TIFAB: variants seen among roughly 807,000 people sequenced by gnomAD.
TIFAB encodes TIFA inhibitor.
For synonymous variants in TIFAB, 116 were observed against 95.2 expected (o/e 1.22, Z -1.27); for missense variants, 222 against 203.6 (o/e 1.09, Z -0.55).
Position 135,447,067 on chromosome 5 carries a change from G to A in TIFAB, c.*2387C>T. The A allele has an allele frequency of 6.2e-7, 1 of 1,614,026 alleles. No individual in the cohort carries two copies. Among genetic ancestry groups the A allele is most frequent in the Non-Finnish European group, 8.5e-7 (1 of 1,179,882 alleles). On this transcript the variant is annotated 3_prime_UTR_variant, in exon 2 of 2. Coordinates refer to ENST00000537858, the MANE Select transcript of TIFAB (RefSeq NM_001099221.2). The stretch of plus-strand genomic sequence containing the variant: ...GTCCAGGTACAGTCTCCAGGCCGTG[G>A]CTTCTCGAGTTCTGTATGTGGGTTG...
Position 135,446,933 on chromosome 5 carries a change from G to T in TIFAB, c.*2521C>A, listed in dbSNP as rs750912756. 3 of 1,612,690 alleles carry T rather than the reference G, an allele frequency of 1.9e-6. No individual in the cohort carries two copies. The highest frequency in any genetic ancestry group is 1.7e-6 in the Non-Finnish European group (2 of 1,179,286). ...GAGACCCTCACTGAGGCCCTGGAGA[G>T]GGGCACTCAGGGGCAGCAGCTCATT... is the stretch of plus-strand genomic sequence containing the variant. On this transcript the variant is annotated 3_prime_UTR_variant, in exon 2 of 2. Coordinates refer to ENST00000537858, the MANE Select transcript of TIFAB (RefSeq NM_001099221.2).
Position 135,449,240 on chromosome 5 carries a change from T to C in TIFAB, c.*214A>G. ...GGTTCATTATGAGCAAGGCAGCCAG[T>C]GGGTTTTGCTTGTCAACCTTGCATG... On this transcript the variant is annotated 3_prime_UTR_variant, in exon 2 of 2. Coordinates refer to ENST00000537858, the MANE Select transcript of TIFAB (RefSeq NM_001099221.2). The C allele has an allele frequency of 1.4e-6, 1 of 711,066 alleles. No individual in the cohort carries two copies. Among genetic ancestry groups the C allele is most frequent in the Non-Finnish European group, 2.3e-6 (1 of 444,098 alleles). 44.0% of individuals were successfully genotyped at this position (711,066 alleles called of 1,614,324 possible).
chr5:135,449,769 G>A lies in TIFAB; in HGVS notation c.171C>T (p.His57=), dbSNP rs1346179672. The A allele has an allele frequency of 1.9e-6, 3 of 1,613,052 alleles. No individual in the cohort carries two copies. The highest frequency in any genetic ancestry group is 1.1e-5 in the South Asian group (1 of 91,064). Residue 57 remains histidine (H), a synonymous_variant, in exon 2 of 2, where the codon CAC becomes CAT. Transcript: ENST00000537858. ...QLQLPRLSRR[H]LSLEPYLEKG... ...TCTCCAGGTAGGGCTCCAGGGACAG[G>A]TGACGGCGGGAGAGGCGAGGGAGCT... is the stretch of plus-strand genomic sequence containing the variant.
chr5:135,446,904 G>T lies in TIFAB; in HGVS notation c.*2550C>A, dbSNP rs764855688. 2.5e-6 allele frequency: 4 copies of T among 1,613,406 alleles called. No homozygotes were observed. The highest frequency in any genetic ancestry group is 4.5e-5 in the East Asian group (2 of 44,870). Reference sequence around the variant, plus strand: ...GGCAAGGTTTTGTTCCTCCCTGGAGGGTAGAGACCCTCACTGAGGCCCTGG... The same window carrying T: ...GGCAAGGTTTTGTTCCTCCCTGGAGTGTAGAGACCCTCACTGAGGCCCTGG... On this transcript the variant is annotated 3_prime_UTR_variant, in exon 2 of 2. Coordinates refer to ENST00000537858, the MANE Select transcript of TIFAB (RefSeq NM_001099221.2).
chr5:135,446,906 T>C lies in TIFAB; in HGVS notation c.*2548A>G, dbSNP rs149382960. The C allele has an allele frequency of 6.2e-7, 1 of 1,613,220 alleles. No individual in the cohort carries two copies. Among genetic ancestry groups the C allele is most frequent in the Non-Finnish European group, 8.5e-7 (1 of 1,179,592 alleles). On this transcript the variant is annotated 3_prime_UTR_variant, in exon 2 of 2. Coordinates refer to ENST00000537858, the MANE Select transcript of TIFAB (RefSeq NM_001099221.2). ...CAAGGTTTTGTTCCTCCCTGGAGGG[T>C]AGAGACCCTCACTGAGGCCCTGGAG...
At position 135,445,855 on chromosome 5, in the gene TIFAB, C is replaced by T. The variant is rs1032737970; in HGVS notation, c.*3599G>A. The T allele has an allele frequency of 2.6e-5, 4 of 153,184 alleles. No homozygotes were observed. The highest frequency in any genetic ancestry group is 2.1e-4 in the South Asian group (1 of 4,856). The allele number at this position is 153,184 out of a possible 1,614,324, so 9.5% of individuals were successfully genotyped here. On this transcript the variant is annotated 3_prime_UTR_variant, in exon 2 of 2. Transcript: ENST00000537858. ...CTCTCACGGACAGCTTGGCAAGATT[C>T]ACATTCTTGGAAAAGCAGAGGAATG...
rs1349963299 is a variant in TIFAB at position 135,447,007 on chromosome 5, G to A, written c.*2447C>T. 8 of 1,613,544 alleles carry A rather than the reference G, an allele frequency of 5.0e-6. No individual in the cohort carries two copies. The highest frequency in any genetic ancestry group is 6.8e-6 in the Non-Finnish European group (8 of 1,179,760). On this transcript the variant is annotated 3_prime_UTR_variant, in exon 2 of 2. Transcript: ENST00000537858. ...GGGAGTGGCACCCTGGGAACTCTGGGGTTTCCCCACCAGCTCCTCTCTCCA... is the reference window on the plus strand; with the variant it reads ...GGGAGTGGCACCCTGGGAACTCTGGAGTTTCCCCACCAGCTCCTCTCTCCA...
At position 135,449,873 on chromosome 5, in the gene TIFAB, CA is replaced by C; in HGVS notation, c.66del (p.Phe22LeufsTer57). On this transcript the variant is annotated frameshift_variant, in exon 2 of 2. Coordinates refer to ENST00000537858, the MANE Select transcript of TIFAB (RefSeq NM_001099221.2). LOFTEE classifies it low-confidence loss of function (END_TRUNC). ...LYHPTLGPSA[F>X]ANVPPRLQHD... is the part of the protein sequence containing the mutation. ...TGCTGCAGCCGTGGTGGGACATTGG[CA>C]AAGGCAGATGGGCCCAGCGTGGGAT... is the stretch of plus-strand genomic sequence containing the variant. 5 of 1,578,592 alleles carry C rather than the reference CA, an allele frequency of 3.2e-6. No homozygotes were observed. The highest frequency in any genetic ancestry group is 4.3e-6 in the Non-Finnish European group (5 of 1,159,906).
rs1310541623 is a variant in TIFAB at position 135,446,356 on chromosome 5, G to C, written c.*3098C>G. 2 of 1,579,628 alleles carry C rather than the reference G, an allele frequency of 1.3e-6. No homozygotes were observed. The highest frequency in any genetic ancestry group is 1.7e-6 in the Non-Finnish European group (2 of 1,160,486). ...TGTATGTCTGTGCATACTTGCGTGT[G>C]TGCACACGCACACATGTTCACTCAG... On this transcript the variant is annotated 3_prime_UTR_variant, in exon 2 of 2. Transcript: ENST00000537858.
chr5:135,447,313 G>C lies in TIFAB; in HGVS notation c.*2141C>G, dbSNP rs890189504. 75 of 641,014 alleles carry C rather than the reference G, an allele frequency of 1.2e-4. No homozygotes were observed. The highest frequency in any genetic ancestry group is 1.8e-4 in the Non-Finnish European group (64 of 364,152). The allele number at this position is 641,014 out of a possible 1,614,324, so 39.7% of individuals were successfully genotyped here. A position where few individuals can be genotyped will look rare whatever the true frequency, so the allele number is the denominator to read the frequency against. ...GTGGCTACAACTAAATCCCTAGTTGGGGAATCACAGAGCACAGGTAAGCCC... is the reference window on the plus strand; with the variant it reads ...GTGGCTACAACTAAATCCCTAGTTGCGGAATCACAGAGCACAGGTAAGCCC... On this transcript the variant is annotated 3_prime_UTR_variant, in exon 2 of 2. Coordinates refer to ENST00000537858, the MANE Select transcript of TIFAB (RefSeq NM_001099221.2).
In TIFAB at chr5:135,447,401, C is replaced by T. The variant is rs11744659; in HGVS notation, c.*2053G>A. ...CCTTAGCTCCGTGTGGATGGTGAGCCCTCCTCTCTCAGGTCTCATGATAGT... is the reference window on the plus strand; with the variant it reads ...CCTTAGCTCCGTGTGGATGGTGAGCTCTCCTCTCTCAGGTCTCATGATAGT... On this transcript the variant is annotated 3_prime_UTR_variant, in exon 2 of 2. Coordinates refer to ENST00000537858, the MANE Select transcript of TIFAB (RefSeq NM_001099221.2). The T allele has an allele frequency of 7.9e-3, 3,752 of 473,762 alleles. 25 individuals are homozygous for T. The highest frequency in any genetic ancestry group is 0.01 in the Non-Finnish European group (2,675 of 261,766). The allele number at this position is 473,762 out of a possible 1,614,324, so 29.3% of individuals were successfully genotyped here. A position where few individuals can be genotyped will look rare whatever the true frequency, so the allele number is the denominator to read the frequency against.
chr5:135,444,735 CTATT>C lies in TIFAB; in HGVS notation c.*4715_*4718del, dbSNP rs1369216020. On this transcript the variant is annotated 3_prime_UTR_variant, in exon 2 of 2. Transcript: ENST00000537858. ...GTTCTCAGTTCCCATTCCAGCTCTG[CTATT>C]TAGACACCGGGAGACCTGGAAACAG... 1 of 152,270 alleles carries C rather than the reference CTATT, an allele frequency of 6.6e-6. No individual in the cohort carries two copies. The highest frequency in any genetic ancestry group is 2.4e-5 in the African/African-American group (1 of 41,470). 9.4% of individuals were successfully genotyped at this position (152,270 alleles called of 1,614,324 possible). A position where few individuals can be genotyped will look rare whatever the true frequency, so the allele number is the denominator to read the frequency against.
At position 135,444,714 on chromosome 5, in the gene TIFAB, T is replaced by A. The variant is rs1421439679; in HGVS notation, c.*4740A>T. ...GGGCGGTTGTGGAAAGAATCGGTTC[T>A]CAGTTCCCATTCCAGCTCTGCTATT... On this transcript the variant is annotated 3_prime_UTR_variant, in exon 2 of 2. Transcript: ENST00000537858. 2 of 152,288 alleles carry A rather than the reference T, an allele frequency of 1.3e-5. No individual in the cohort carries two copies. The highest frequency in any genetic ancestry group is 4.8e-5 in the African/African-American group (2 of 41,466). 9.4% of individuals were successfully genotyped at this position (152,288 alleles called of 1,614,324 possible). A position where few individuals can be genotyped will look rare whatever the true frequency, so the allele number is the denominator to read the frequency against.
Position 135,446,641 on chromosome 5 carries a change from G to A in TIFAB, c.*2813C>T. 3 of 1,614,040 alleles carry A rather than the reference G, an allele frequency of 1.9e-6. No homozygotes were observed. The highest frequency in any genetic ancestry group is 2.5e-6 in the Non-Finnish European group (3 of 1,179,894). On this transcript the variant is annotated 3_prime_UTR_variant, in exon 2 of 2. Transcript: ENST00000537858. ...AGAGCTTAACTGCCTTAAAAACTTG[G>A]TACAGGGCAAGGTGTGAGTTTCCCG...
In TIFAB at chr5:135,446,124, T is replaced by C; in HGVS notation, c.*3330A>G. ...AAATTTGTGATGCCTCAAACTGACC[T>C]TCACAATGACTCTAAGGAGGTAAGT... On this transcript the variant is annotated 3_prime_UTR_variant, in exon 2 of 2. Coordinates refer to ENST00000537858, the MANE Select transcript of TIFAB (RefSeq NM_001099221.2). 1 of 386,514 alleles carries C rather than the reference T, an allele frequency of 2.6e-6. No homozygotes were observed. Among genetic ancestry groups the C allele is most frequent in the Non-Finnish European group, 4.6e-6 (1 of 216,806 alleles). 23.9% of individuals were successfully genotyped at this position (386,514 alleles called of 1,614,324 possible). A position where few individuals can be genotyped will look rare whatever the true frequency, so the allele number is the denominator to read the frequency against.
intron 1 of TIFAB, 130 bp downstream of exon 1, chr5:135,452,079 A>G (rs1769370345): frequency 6.6e-6 from 1 of 152,244 alleles, no homozygotes; most frequent in Non-Finnish European, 1.5e-5. Context: ...ACCCAGCCCT[A>G]CAAATCCAGC....
chr5:135,447,060 G>T lies in TIFAB; in HGVS notation c.*2394C>A, dbSNP rs1171461339. The T allele has an allele frequency of 6.2e-7, 1 of 1,613,932 alleles. No homozygotes were observed. The highest frequency in any genetic ancestry group is 1.1e-5 in the South Asian group (1 of 91,086). On this transcript the variant is annotated 3_prime_UTR_variant, in exon 2 of 2. Coordinates refer to ENST00000537858, the MANE Select transcript of TIFAB (RefSeq NM_001099221.2). ...CTTTGGTGTCCAGGTACAGTCTCCA[G>T]GCCGTGGCTTCTCGAGTTCTGTATG...
At position 135,446,455 on chromosome 5, in the gene TIFAB, C is replaced by T; in HGVS notation, c.*2999G>A. ...GTTGGGAGGAACTCACCCGCCTGCT[C>T]TGGCTGTCTGAGCAGGTGAGGGATA... On this transcript the variant is annotated 3_prime_UTR_variant, in exon 2 of 2. Coordinates refer to ENST00000537858, the MANE Select transcript of TIFAB (RefSeq NM_001099221.2). The T allele has an allele frequency of 6.2e-7, 1 of 1,613,808 alleles. No individual in the cohort carries two copies. Among genetic ancestry groups the T allele is most frequent in the Non-Finnish European group, 8.5e-7 (1 of 1,179,742 alleles).
chr5:135,450,567 G>A (rs1359236218), intron 1 of TIFAB: 2 of 152,268 alleles, frequency 1.3e-5, no homozygotes, highest in Non-Finnish European at 2.9e-5. Flanking sequence ...AGAGTAAACA[G>A]CTAGCACATT....
Sources: allele counts gnomAD v4.1 joint callset, GRCh38; gene constraint gnomAD v4.1.1; transcripts MANE v1.5; gene names NCBI Gene and HGNC (gene_info 2026-07-23, HGNC 2026-07-21).